The following PRKG1 variants were observed in gnomAD, a reference collection of about 807,000 sequenced individuals.
The protein encoded by PRKG1 is protein kinase cGMP-dependent 1.
Under a neutral mutation model 88.1 loss-of-function variants are expected in PRKG1, and 35 were observed. That is an observed-to-expected ratio of 0.40 (90% CI 0.30 to 0.53). The LOEUF (loss-of-function observed/expected upper bound fraction) is 0.53. PRKG1 is among the 20% of genes least tolerant of loss of function. The pLI is 0.59. For synonymous variants in PRKG1, 303 were observed against 292.5 expected (o/e 1.04, Z -0.37); for missense variants, 540 against 839.8 (o/e 0.64, Z 4.41).
chr10:52,126,119 G>A lies in PRKG1; in HGVS notation c.936-7721G>A, dbSNP rs529354421. 2.0e-5 allele frequency: 3 copies of A among 152,202 alleles called. No individual in the cohort carries two copies. In the South Asian group the frequency reaches 6.2e-4, roughly 32 times the overall value. The allele number at this position is 152,202 out of a possible 1,614,324, so 9.4% of individuals were successfully genotyped here. On this transcript the variant is annotated intron_variant, in intron 7 of 17. Transcript: ENST00000373980. ...TAATATTTTTGGACTGAAGTTGACT[G>A]CAGGTACCTGAAGCCTAGGGTAACT...
intron 4 of PRKG1, among the ~76,000 whole-genome samples, chr10:51,881,767 T>G (rs1270881141): frequency 6.6e-6 from 1 of 152,216 alleles, no homozygotes; most frequent in Non-Finnish European, 1.5e-5. Flanking sequence ...GGACTTGAGA[T>G]TTTTATTATT....
chr10:52,059,433 A>T (rs972042985), intron 6 of PRKG1, among the ~76,000 whole-genome samples: 1 of 5,318 alleles, frequency 1.9e-4, no homozygotes, highest in Non-Finnish European at 0.019. Flanking sequence ...ATATTCATTC[A>T]ATGAAAATAT....
At chr10:51,227,133 A>T (rs1013075331) in intron 2 of PRKG1, among the ~76,000 whole-genome samples, 1 of 150,190 alleles carries the variant, frequency 6.7e-6, no homozygotes, top group South Asian at 2.1e-4. Flanking sequence ...AGGAATAATT[A>T]TATATATTAT....
chr10:51,326,191 G>C (rs553679713), intron 2 of PRKG1, among the ~76,000 whole-genome samples: 161 of 152,302 alleles, frequency 1.1e-3, no homozygotes, highest in African/African-American at 3.8e-3. Flanking sequence ...TATCTGAAAT[G>C]TAATAGTTTG....
intron 1 of PRKG1, among the ~76,000 whole-genome samples, chr10:51,018,728 C>G (rs966835204): frequency 1.3e-5 from 2 of 152,070 alleles, no homozygotes; most frequent in African/African-American, 4.8e-5. Context: ...ACCCAGTATC[C>G]CTTTGATCTC....
At chr10:51,652,003 T>A (rs1400222052) in intron 3 of PRKG1, among the ~76,000 whole-genome samples, 1 of 152,176 alleles carries the variant, frequency 6.6e-6, no homozygotes, top group Non-Finnish European at 1.5e-5. Flanking sequence ...CATTATTTAG[T>A]TTAGAGAAGA....
intron 3 of PRKG1, among the ~76,000 whole-genome samples, chr10:51,728,524 C>T (rs1226586619): frequency 1.4e-5 from 2 of 142,634 alleles, no homozygotes; most frequent in Admixed American, 7.5e-5. Context: ...AAGGAATGCA[C>T]AGGCTATTGC....
chr10:51,129,560 T>A (rs1434293792), intron 1 of PRKG1, among the ~76,000 whole-genome samples: 1 of 152,190 alleles, frequency 6.6e-6, no homozygotes, highest in Non-Finnish European at 1.5e-5. Context: ...ACTTTTTCAC[T>A]TATAGTTAAA....
intron 1 of PRKG1, among the ~76,000 whole-genome samples, chr10:51,102,790 G>A (rs1025350018): frequency 2.6e-5 from 4 of 152,198 alleles, no homozygotes; most frequent in African/African-American, 9.6e-5. Flanking sequence ...ATCTTTCAGG[G>A]TTCACAAAGT....
At chr10:51,446,119 A>T (rs1380185544) in intron 2 of PRKG1, among the ~76,000 whole-genome samples, 1 of 152,010 alleles carries the variant, frequency 6.6e-6, no homozygotes, top group Non-Finnish European at 1.5e-5. Flanking sequence ...AGTTCAATAA[A>T]GGTGGATACT....
chr10:51,391,654 G>A (rs1837407052), intron 2 of PRKG1, among the ~76,000 whole-genome samples: 1 of 152,184 alleles, frequency 6.6e-6, no homozygotes, highest in Admixed American at 6.5e-5. Context: ...GCTCATCAGA[G>A]CCAATAGGGC....
chr10:51,296,297 A>G (rs1334494311), intron 2 of PRKG1, among the ~76,000 whole-genome samples: 1 of 152,118 alleles, frequency 6.6e-6, no homozygotes, highest in Non-Finnish European at 1.5e-5. Flanking sequence ...ATGAGAAGTC[A>G]TCTCATCCTG....
intron 2 of PRKG1, among the ~76,000 whole-genome samples, chr10:51,266,512 G>A (rs1344761756): frequency 6.6e-6 from 1 of 152,192 alleles, no homozygotes; most frequent in Non-Finnish European, 1.5e-5. Flanking sequence ...TTCTTCCTGA[G>A]AAGCCAGTTT....
intron 3 of PRKG1, among the ~76,000 whole-genome samples, chr10:51,472,215 G>T (rs755992728): frequency 6.6e-6 from 1 of 151,812 alleles, no homozygotes; most frequent in Non-Finnish European, 1.5e-5. Flanking sequence ...AAAGTTTAAA[G>T]GTCTGGAGTT....
At position 51,475,162 on chromosome 10, in the gene PRKG1, C is replaced by T. The variant is rs547551874; in HGVS notation, c.592+7326C>T. ...CACCTCTCCTTTACTCCTTCTGCTC[C>T]CTACCTCTATGTGTGGACTCCTGAA... is the stretch of plus-strand genomic sequence containing the variant. On this transcript the variant is annotated intron_variant, in intron 3 of 17. Coordinates refer to ENST00000373980, the MANE Select transcript of PRKG1 (RefSeq NM_006258.4). 2.6e-5 allele frequency among the ~76,000 whole-genome samples: 4 copies of T among 152,050 alleles called. No individual in the cohort carries two copies. In the South Asian group the frequency reaches 8.3e-4, roughly 32 times the overall value.
At chr10:51,933,367 C>G (rs558165438) in intron 5 of PRKG1, among the ~76,000 whole-genome samples, 1 of 152,114 alleles carries the variant, frequency 6.6e-6, no homozygotes, top group Non-Finnish European at 1.5e-5. Context: ...TCATTCCCAT[C>G]TATAATTTTA....
intron 3 of PRKG1, among the ~76,000 whole-genome samples, chr10:51,750,359 CACTA>C (rs1446461455): frequency 6.6e-6 from 1 of 152,114 alleles, no homozygotes; most frequent in African/African-American, 2.4e-5. Context: ...CATAAGAAAT[CACTA>C]ACAGACATAA....
chr10:51,078,912 G>A (rs1029596972), intron 1 of PRKG1, among the ~76,000 whole-genome samples: 2 of 151,918 alleles, frequency 1.3e-5, no homozygotes, highest in Non-Finnish European at 2.9e-5. Flanking sequence ...CACCGCACCC[G>A]GCCTATTTTT....
chr10:52,202,733 G>A (rs553840543), intron 9 of PRKG1, among the ~76,000 whole-genome samples: 1 of 151,960 alleles, frequency 6.6e-6, no homozygotes, highest in South Asian at 2.1e-4. Flanking sequence ...TAGGGTTTCG[G>A]TATCTTCCTC....
Sources: allele counts gnomAD v4.1 joint callset (sites outside exome capture counted in the v4.1 genomes callset), GRCh38; gene constraint gnomAD v4.1.1; transcripts MANE v1.5; gene names NCBI Gene and HGNC (gene_info 2026-07-23, HGNC 2026-07-21).